Variants in LRRIQ1 observed in about 807,000 individuals in gnomAD.
LRRIQ1 encodes leucine rich repeats and IQ motif containing 1.
LRRIQ1 carries 210 observed loss-of-function variants against 211.9 expected under a neutral mutation model. The ratio of observed to expected loss-of-function variants is 0.99; its 90% confidence interval spans 0.89 to 1.11. LRRIQ1 has a LOEUF of 1.11. LRRIQ1 is among the 50% of genes most tolerant of loss of function. The pLI is 0.00. For synonymous variants in LRRIQ1, 699 were observed against 650.1 expected (o/e 1.08, Z -1.14); for missense variants, 2,136 against 1,939.5 (o/e 1.10, Z -1.90).
intron 1 of LRRIQ1, among the ~76,000 whole-genome samples, chr12:85,250,667 G>A (rs1895881402): frequency 6.7e-6 from 1 of 148,250 alleles, no homozygotes; most frequent in Non-Finnish European, 1.5e-5. Context: ...TTGAGCTCAG[G>A]AGATTGAGTC....
intron 11 of LRRIQ1, among the ~76,000 whole-genome samples, chr12:85,086,338 C>T (rs77420744): frequency 1.3e-5 from 2 of 151,912 alleles, no homozygotes; most frequent in Non-Finnish European, 2.9e-5. Flanking sequence ...GGGGGAGGCT[C>T]CCTCATGGCA....
chr12:85,195,982 AG>A (rs889656568), intron 24 of LRRIQ1, among the ~76,000 whole-genome samples: 7 of 152,002 alleles, frequency 4.6e-5, no homozygotes, highest in African/African-American at 1.7e-4. Flanking sequence ...GCGAAGTCTC[AG>A]GATACAAAAT....
downstream of LRRIQ1, among the ~76,000 whole-genome samples, chr12:85,266,468 C>T (rs974341959): frequency 6.6e-6 from 1 of 152,122 alleles, no homozygotes; most frequent in African/African-American, 2.4e-5. Context: ...GACAACCACT[C>T]ACACTTCCTT....
chr12:85,106,475 T>C (rs1246649034), intron 14 of LRRIQ1, 47 bp from the exon 15 acceptor site: 5 of 1,316,280 alleles, frequency 3.8e-6, no homozygotes, highest in Non-Finnish European at 5.4e-6. Context: ...ATGATATTTG[T>C]TCTAAATCTG....
chr12:85,138,102 TTTCCTAA>T, intron 19 of LRRIQ1, 133 bp downstream of exon 19: 1 of 562,546 alleles, frequency 1.8e-6, no homozygotes. Context: ...TTGAGAAACT[TTTCCTAA>T]CATCATCTTC....
At chr12:85,092,577 C>T (rs1885505211) in intron 11 of LRRIQ1, among the ~76,000 whole-genome samples, 1 of 152,136 alleles carries the variant, frequency 6.6e-6, no homozygotes, top group Admixed American at 6.6e-5. Context: ...ATCAAGATTT[C>T]CACTTAAATC....
chr12:85,121,913 C>G, intron 16 of LRRIQ1, 37 bp downstream of exon 16: 1 of 1,439,624 alleles, frequency 6.9e-7, no homozygotes, highest in African/African-American at 1.4e-5. Context: ...TATTTAGAAT[C>G]AATAATGTAA....
intron 26 of LRRIQ1, chr12:85,233,045 C>T: frequency 3.3e-6 from 1 of 304,276 alleles, no homozygotes; most frequent in Non-Finnish European, 6.0e-6. Flanking sequence ...AAACTTTTTT[C>T]TTGGATATTT....
chr12:85,092,529 GAC>G (rs1404196762), intron 11 of LRRIQ1, among the ~76,000 whole-genome samples: 6 of 152,118 alleles, frequency 3.9e-5, no homozygotes, highest in Non-Finnish European at 8.8e-5. Context: ...GACTCTGTAA[GAC>G]TGCCAACAAA....
chr12:85,127,913 T>A lies in LRRIQ1; in HGVS notation c.4089T>A (p.Thr1363=). The change falls in exon 18 of 27, where the codon ACT becomes ACA. Residue 1363 remains threonine (T), a synonymous_variant. Transcript: ENST00000393217. ...RQTHFSTRLH[T]AATEGLPNSS... The stretch of plus-strand genomic sequence containing the variant: ...CTCATTTCTCCACAAGGCTACATAC[T>A]GCTGCAACAGAAGGCCTGCCAAATT... 6.2e-7 allele frequency: 1 copy of A among 1,614,080 alleles called. No individual in the cohort carries two copies. The highest frequency in any genetic ancestry group is 8.5e-7 in the Non-Finnish European group (1 of 1,179,984).
intron 18 of LRRIQ1, among the ~76,000 whole-genome samples, chr12:85,135,110 C>A (rs1439215830): frequency 6.6e-6 from 1 of 151,912 alleles, no homozygotes; most frequent in Admixed American, 6.6e-5. Context: ...ATCACTCAAA[C>A]TTTTATATGT....
intron 1 of LRRIQ1, among the ~76,000 whole-genome samples, chr12:85,250,874 T>TTATATATAATATATATTATAGATTA (rs1555230683): frequency 1.8e-5 from 1 of 54,972 alleles, no homozygotes; most frequent in African/African-American, 9.1e-5. Context: ...AGATTATATA[T>TTATATATAATATATATTATAGATTA]TATATTATAT....
chr12:85,267,694 A>G (rs1364892118), downstream of LRRIQ1, among the ~76,000 whole-genome samples: 2 of 152,070 alleles, frequency 1.3e-5, no homozygotes, highest in Non-Finnish European at 2.9e-5. Flanking sequence ...TAACTTCAAA[A>G]TAAAACCAGT....
At chr12:85,140,647 C>G (rs1889474540) in intron 19 of LRRIQ1, among the ~76,000 whole-genome samples, 1 of 151,122 alleles carries the variant, frequency 6.6e-6, no homozygotes, top group South Asian at 2.1e-4. Context: ...ATGATATTAG[C>G]AAGCGTCTTT....
chr12:85,215,437 A>T (rs1326210466), intron 24 of LRRIQ1, among the ~76,000 whole-genome samples: 1 of 152,028 alleles, frequency 6.6e-6, no homozygotes, highest in East Asian at 1.9e-4. Context: ...TGTACAGATT[A>T]TTTTATCATC....
At position 85,072,912 on chromosome 12, in the gene LRRIQ1, T is replaced by G. The variant is rs765843926; in HGVS notation, c.2701T>G (p.Ser901Ala). Reference sequence around the variant, plus strand: ...AATTCTGTCATCCTACTCAGGATATTCCTTCTTTCTGGAAGAAAAACTTGT... The same window carrying G: ...AATTCTGTCATCCTACTCAGGATATGCCTTCTTTCTGGAAGAAAAACTTGT... ...SYNKITRIGYSFFLEEKLVDN... is the reference protein window; with the variant it reads ...SYNKITRIGYAFFLEEKLVDN... Residue 901 changes from serine (S) to alanine (A), a missense_variant, in exon 11 of 27, where the codon TCC (serine) becomes GCC (alanine). By Grantham distance (99) the Ser-to-Ala change is moderately conservative. Transcript: ENST00000393217. 6.2e-7 allele frequency: 1 copy of G among 1,607,102 alleles called. No homozygotes were observed. Among genetic ancestry groups the G allele is most frequent in the South Asian group, 1.1e-5 (1 of 90,076 alleles).
rs1878736770 is a variant in LRRIQ1 at position 85,040,471 on chromosome 12, G to A, written c.133-19G>A. ...ATAATAAACACTTTCACAGTTTCTT[G>A]TATTATTCAAATTTTTAGGATTCAG... On this transcript the variant is annotated intron_variant, in intron 2 of 26. Transcript: ENST00000393217. 3 of 1,427,634 alleles carry A rather than the reference G, an allele frequency of 2.1e-6. No individual in the cohort carries two copies. Among genetic ancestry groups the A allele is most frequent in the Non-Finnish European group, 1.9e-6 (2 of 1,041,510 alleles). 88.4% of individuals were successfully genotyped at this position (1,427,634 alleles called of 1,614,324 possible). A position where few individuals can be genotyped will look rare whatever the true frequency, so the allele number is the denominator to read the frequency against.
intron 24 of LRRIQ1, among the ~76,000 whole-genome samples, chr12:85,222,649 G>A (rs936055694): frequency 6.6e-6 from 1 of 152,104 alleles, no homozygotes; most frequent in Non-Finnish European, 1.5e-5. Context: ...CATCTGATTA[G>A]GGAAGGAGAG....
Position 85,196,411 on chromosome 12 carries a change from A to C in LRRIQ1, c.4823-33106A>C, listed in dbSNP as rs1173931660. Among the ~76,000 whole-genome samples the C allele has an allele frequency of 4.6e-5, 7 of 152,092 alleles. No individual in the cohort carries two copies. The East Asian group carries it at 1.4e-3, about 29-fold the overall frequency. ...AGAACAAAGCTGGAGGCATCACACT[A>C]CCTAACTTCAAACTATACTACAAGG... On this transcript the variant is annotated intron_variant, in intron 24 of 26. Transcript: ENST00000393217.
Sources: gnomAD v4.1 joint callset for allele counts (sites outside exome capture counted in the v4.1 genomes callset) on GRCh38, gnomAD v4.1.1 for gene constraint, MANE v1.5 for transcripts, NCBI Gene and HGNC (gene_info 2026-07-23, HGNC 2026-07-21) for gene names.